The following DISP1 variants were observed in gnomAD, a reference collection of about 807,000 sequenced individuals.
DISP1 encodes protein dispatched homolog 1.
DISP1 carries 30 observed loss-of-function variants against 37.3 expected under a neutral mutation model. The observed-to-expected ratio is 0.80, with a 90% CI of 0.60 to 1.09. DISP1 has a LOEUF of 1.09. Among genes scored for constraint, DISP1 ranks in the 50% least tolerant of loss-of-function variants. The pLI, the probability that DISP1 is intolerant of heterozygous loss-of-function variation, is 0.00. For synonymous variants in DISP1, 634 were observed against 690.2 expected, an observed-to-expected ratio of 0.92 and a Z score of 1.28; for missense variants, 1,598 against 1,879.5, an observed-to-expected ratio of 0.85 and a Z score of 2.77.
intron 1 of DISP1, among the ~76,000 whole-genome samples, chr1:222,854,980 A>G (rs1668472514): frequency 6.6e-6 from 1 of 152,162 alleles, no homozygotes; most frequent in Admixed American, 6.5e-5. Flanking sequence ...GGCTCCTCAG[A>G]GGAACCTCAG....
chr1:222,915,867 G>A (rs1004493561), intron 1 of DISP1, among the ~76,000 whole-genome samples: 41 of 152,250 alleles, frequency 2.7e-4, no homozygotes, highest in East Asian at 5.8e-4. Flanking sequence ...CAATAATTGT[G>A]TACGCTTACT....
chr1:222,899,394 G>A (rs1347228877), intron 1 of DISP1, among the ~76,000 whole-genome samples: 1 of 152,208 alleles, frequency 6.6e-6, no homozygotes, highest in Non-Finnish European at 1.5e-5. Context: ...TTTCAAGTTG[G>A]TGAAATGGTT....
intron 2 of DISP1, among the ~76,000 whole-genome samples, chr1:222,937,037 T>G (rs1243760807): frequency 4.4e-5 from 5 of 113,792 alleles, no homozygotes; most frequent in Non-Finnish European, 8.6e-5. Flanking sequence ...ACATATTATA[T>G]AATATATTAT....
chr1:222,870,328 T>C (rs542795515), intron 1 of DISP1, among the ~76,000 whole-genome samples: 299 of 152,068 alleles, frequency 2.0e-3, no homozygotes, highest in African/African-American at 7.0e-3. Flanking sequence ...CTGGGTCAAA[T>C]GGTATTTCTA....
At chr1:222,887,486 G>GTTTTTTTTTTTTTTTTTTTTTTTT (rs940346379) in intron 1 of DISP1, among the ~76,000 whole-genome samples, 7 of 83,100 alleles carry the variant, frequency 8.4e-5, no homozygotes, top group African/African-American at 9.6e-5. Context: ...CATTGTTTTT[G>GTTTTTTTTTTTTTTTTTTTTTTTT]TTTTTTTTTT....
At chr1:222,837,303 G>C (rs907470892) in intron 1 of DISP1, 3 of 383,526 alleles carry the variant, frequency 7.8e-6, no homozygotes, top group African/African-American at 6.2e-5. Flanking sequence ...GTTCCCTGGA[G>C]CAGAGCTGTC....
intron 1 of DISP1, among the ~76,000 whole-genome samples, chr1:222,858,314 A>G (rs533655734): frequency 6.6e-6 from 1 of 152,326 alleles, no homozygotes; most frequent in African/African-American, 2.4e-5. Flanking sequence ...CTTATACCTT[A>G]TACAAAAAAT....
At chr1:222,904,485 C>T (rs1241053556) in intron 1 of DISP1, among the ~76,000 whole-genome samples, 1 of 151,800 alleles carries the variant, frequency 6.6e-6, no homozygotes, top group East Asian at 1.9e-4. Context: ...CTGATAGCTT[C>T]TCTTTTAATA....
intron 1 of DISP1, among the ~76,000 whole-genome samples, chr1:222,913,772 A>G (rs931035377): frequency 5.9e-5 from 9 of 151,988 alleles, no homozygotes; most frequent in African/African-American, 2.2e-4. Flanking sequence ...AGGAGTGAAT[A>G]AAATAGGAAC....
intron 1 of DISP1, among the ~76,000 whole-genome samples, chr1:222,850,011 C>T (rs978316647): frequency 5.3e-5 from 8 of 152,118 alleles, no homozygotes; most frequent in South Asian, 2.1e-4. Flanking sequence ...TAAATCCTAA[C>T]TTTGTCACTT....
At position 222,844,935 on chromosome 1, in the gene DISP1, G is replaced by A. The variant is rs189372091; in HGVS notation, c.-159+29857G>A. Among the ~76,000 whole-genome samples the A allele has an allele frequency of 2.8e-3, 419 of 152,180 alleles. 3 individuals carry two copies. The highest frequency in any genetic ancestry group is 9.7e-3 in the African/African-American group (403 of 41,548). ...TTAATATAAAAGGATGGGTATTGCT[G>A]GGCAACAATTAAAACTTCAAACTCA... On this transcript the variant is annotated intron_variant, in intron 1 of 8. Coordinates refer to ENST00000675850, the MANE Select transcript of DISP1 (RefSeq NM_001377229.1).
chr1:222,903,321 A>T (rs1287626383), intron 1 of DISP1, among the ~76,000 whole-genome samples: 1 of 131,526 alleles, frequency 7.6e-6, no homozygotes, highest in Non-Finnish European at 1.6e-5. Context: ...GGGGGGAGGG[A>T]TAGCATTAGG....
At chr1:222,896,410 G>A (rs980849075) in intron 1 of DISP1, among the ~76,000 whole-genome samples, 1 of 152,140 alleles carries the variant, frequency 6.6e-6, no homozygotes, top group South Asian at 2.1e-4. Context: ...AGACCAGCAT[G>A]AGCAAGATGT....
intron 2 of DISP1, among the ~76,000 whole-genome samples, chr1:222,939,852 G>A (rs530824452): frequency 4.0e-5 from 6 of 151,142 alleles, no homozygotes; most frequent in South Asian, 4.2e-4. Context: ...AAGGCCGGGC[G>A]CAGTGGCTCA....
At chr1:222,947,545 A>G (rs1052837286) in intron 3 of DISP1, among the ~76,000 whole-genome samples, 3 of 152,108 alleles carry the variant, frequency 2.0e-5, no homozygotes, top group Non-Finnish European at 4.4e-5. Flanking sequence ...CCCTGCTTTC[A>G]GTTCTTTTGG....
chr1:222,936,043 C>A (rs1673703548), intron 2 of DISP1, among the ~76,000 whole-genome samples: 1 of 152,108 alleles, frequency 6.6e-6, no homozygotes, highest in South Asian at 2.1e-4. Context: ...GAATGCAACA[C>A]CTTACCTTTT....
intron 2 of DISP1, among the ~76,000 whole-genome samples, chr1:222,934,910 T>C (rs1039753277): frequency 1.3e-5 from 2 of 152,184 alleles, no homozygotes; most frequent in Non-Finnish European, 2.9e-5. Flanking sequence ...TGTTGTTAAA[T>C]GTGTTACATT....
At position 222,943,167 on chromosome 1, in the gene DISP1, G is replaced by A; in HGVS notation, c.344G>A (p.Cys115Tyr). Residue 115 changes from cysteine (C) to tyrosine (Y), a missense_variant, in exon 3 of 9, where the codon TGT becomes TAT. Transcript: ENST00000675850. Reference protein sequence around the residue: ...GPAAPSALASCCMQPHSEYSA... With the variant: ...GPAAPSALASYCMQPHSEYSA... ...GCAGCACCCTCTGCTTTGGCCTCGT[G>A]TTGCATGCAGCCACACTCCGAGTAT... is the stretch of plus-strand genomic sequence containing the variant. 4 of 1,611,604 alleles carry A rather than the reference G, an allele frequency of 2.5e-6. No homozygotes were observed. The highest frequency in any genetic ancestry group is 3.4e-6 in the Non-Finnish European group (4 of 1,177,818).
At chr1:222,956,029 T>G (rs1178268466) in intron 3 of DISP1, among the ~76,000 whole-genome samples, 1 of 152,220 alleles carries the variant, frequency 6.6e-6, no homozygotes, top group Non-Finnish European at 1.5e-5. Flanking sequence ...ATGTAAGCAA[T>G]TTACTGTTTC....
Sources: allele counts gnomAD v4.1 joint callset (sites outside exome capture counted in the v4.1 genomes callset), GRCh38; gene constraint gnomAD v4.1.1; transcripts MANE v1.5; gene names NCBI Gene and HGNC (gene_info 2026-07-23, HGNC 2026-07-21).